The following MORC1 variants were observed in gnomAD, a reference collection of about 807,000 sequenced individuals.
The protein encoded by MORC1 is MORC family CW-type zinc finger protein 1.
Under a neutral mutation model 134.9 loss-of-function variants are expected in MORC1, and 59 were observed. The observed-to-expected ratio is 0.44, with a 90% confidence interval of 0.35 to 0.54. The LOEUF is 0.54. Among genes scored for constraint, MORC1 ranks in the 20% least tolerant of loss-of-function variants. The pLI, the probability that MORC1 is intolerant of heterozygous loss-of-function variation, is 0.00. For synonymous variants in MORC1, 395 were observed against 391.7 expected (o/e 1.01, Z -0.10); for missense variants, 947 against 1,134.5 (o/e 0.83, Z 2.37).
intron 17 of MORC1, among the ~76,000 whole-genome samples, chr3:109,014,292 A>G (rs1237364411): frequency 1.3e-5 from 2 of 152,024 alleles, no homozygotes; most frequent in African/African-American, 4.8e-5. Flanking sequence ...TAAATTGTAA[A>G]CTCCCAATTA....
chr3:109,054,037 A>T (rs1370686467), intron 14 of MORC1, among the ~76,000 whole-genome samples: 1 of 151,882 alleles, frequency 6.6e-6, no homozygotes, highest in African/African-American at 2.4e-5. Context: ...TAATCCCAGC[A>T]CTTTGGGAGG....
At chr3:109,080,622 G>A (rs1432901610) in intron 8 of MORC1, among the ~76,000 whole-genome samples, 2 of 152,106 alleles carry the variant, frequency 1.3e-5, no homozygotes, top group Non-Finnish European at 2.9e-5. Context: ...AAGTGTGCCA[G>A]TTCTCTCCCA....
chr3:108,999,065 C>T (rs1228312114), intron 21 of MORC1, among the ~76,000 whole-genome samples: 2 of 152,198 alleles, frequency 1.3e-5, no homozygotes, highest in Admixed American at 6.5e-5. Context: ...AATTATATTA[C>T]ATTTTGCTTT....
In MORC1 at chr3:109,007,015, T is replaced by C. The variant is rs2044589; in HGVS notation, c.1767+14A>G. 0.41 allele frequency: 644,472 copies of C among 1,589,334 alleles called. 136,093 individuals carry two copies. Among genetic ancestry groups the C allele is most frequent in the Middle Eastern group, 0.56 (3,343 of 5,998 alleles). On this transcript the variant is annotated intron_variant, in intron 18 of 27. Transcript: ENST00000232603. ...ACATGACACAAATTGCTTAATCCTA[T>C]ATTAATTACTCACCTTATGTGCTGA...
intron 17 of MORC1, among the ~76,000 whole-genome samples, chr3:109,023,120 A>C (rs1948997055): frequency 6.6e-6 from 1 of 152,240 alleles, no homozygotes; most frequent in Admixed American, 6.5e-5. Flanking sequence ...CTAAGTAGGT[A>C]AATCATACAG....
intron 8 of MORC1, among the ~76,000 whole-genome samples, chr3:109,071,636 A>T (rs1950319197): frequency 6.6e-6 from 1 of 152,166 alleles, no homozygotes; most frequent in South Asian, 2.1e-4. Flanking sequence ...CCTTCTCATG[A>T]AAGTTCACAT....
In MORC1 at chr3:108,971,403, C is replaced by A; in HGVS notation, c.2478-1G>T. On this transcript the variant is annotated splice_acceptor_variant, in intron 24 of 27. Coordinates refer to ENST00000232603, the MANE Select transcript of MORC1 (RefSeq NM_014429.4). LOFTEE classifies it high-confidence loss of function. ...AGGAAAAAAATACAGAAGAATCTCC[C>A]TAGGAATACAAGCACAGCAGATATG... The A allele has an allele frequency of 6.2e-7, 1 of 1,610,570 alleles. No individual in the cohort carries two copies. The highest frequency in any genetic ancestry group is 1.1e-5 in the South Asian group (1 of 90,890).
chr3:108,974,183 G>A (rs1440262957), intron 24 of MORC1, among the ~76,000 whole-genome samples: 1 of 152,098 alleles, frequency 6.6e-6, no homozygotes, highest in Non-Finnish European at 1.5e-5. Flanking sequence ...ATTCTGGTCT[G>A]TAAGACTGAC....
At chr3:109,020,416 G>C (rs1156934064) in intron 17 of MORC1, among the ~76,000 whole-genome samples, 1 of 152,106 alleles carries the variant, frequency 6.6e-6, no homozygotes, top group African/African-American at 2.4e-5. Flanking sequence ...GACTTGGTGG[G>C]GGAAGACTAA....
At chr3:109,062,883 C>T (rs1453911935) in intron 10 of MORC1, among the ~76,000 whole-genome samples, 1 of 152,076 alleles carries the variant, frequency 6.6e-6, no homozygotes, top group African/African-American at 2.4e-5. Context: ...AGCCACCATG[C>T]CCAGACAGAC....
chr3:108,974,089 T>A (rs1056967656), intron 24 of MORC1, among the ~76,000 whole-genome samples: 5 of 152,036 alleles, frequency 3.3e-5, no homozygotes, highest in Non-Finnish European at 7.4e-5. Context: ...TCCTTCAGTG[T>A]CTGTCTCCCT....
chr3:109,072,491 T>A (rs1294885241), intron 8 of MORC1, among the ~76,000 whole-genome samples: 2 of 152,152 alleles, frequency 1.3e-5, no homozygotes, highest in Non-Finnish European at 2.9e-5. Flanking sequence ...TGCATCTGCA[T>A]CCCCAACTGG....
At chr3:109,073,334 G>C (rs548171890) in intron 8 of MORC1, among the ~76,000 whole-genome samples, 4 of 152,342 alleles carry the variant, frequency 2.6e-5, no homozygotes, top group Admixed American at 1.3e-4. Context: ...CTTATCTGCT[G>C]ATTCAGATTC....
At chr3:109,100,550 T>G in intron 4 of MORC1, 43 bp from the exon 5 acceptor site, 3 of 1,472,146 alleles carry the variant, frequency 2.0e-6, no homozygotes, top group Non-Finnish European at 2.9e-6. Context: ...GAAGACTCTT[T>G]GACACTGGCC....
At chr3:108,992,710 C>T (rs914313022) in intron 21 of MORC1, among the ~76,000 whole-genome samples, 11 of 152,200 alleles carry the variant, frequency 7.2e-5, no homozygotes, top group African/African-American at 2.7e-4. Flanking sequence ...TCTTCATCTG[C>T]TAACTGCCTC....
chr3:109,098,291 A>T (rs547321262), intron 6 of MORC1, among the ~76,000 whole-genome samples: 130 of 152,188 alleles, frequency 8.5e-4, no homozygotes, highest in African/African-American at 2.9e-3. Flanking sequence ...AGTTTTTTTT[A>T]AAAAAGGGAA....
At chr3:108,983,835 A>T (rs1370819459) in intron 23 of MORC1, among the ~76,000 whole-genome samples, 1 of 152,190 alleles carries the variant, frequency 6.6e-6, no homozygotes, top group East Asian at 1.9e-4. Flanking sequence ...AGGGCATTCA[A>T]GTAAAGGAAG....
At chr3:108,969,863 A>C (rs1576578173) in intron 25 of MORC1, 141 bp from the exon 26 acceptor site, 1 of 657,918 alleles carries the variant, frequency 1.5e-6, no homozygotes, top group African/African-American at 1.8e-5. Context: ...GGGCCTTTTA[A>C]GTCTGGGTCT....
chr3:108,989,774 C>T (rs1947995867), intron 21 of MORC1, among the ~76,000 whole-genome samples: 1 of 152,116 alleles, frequency 6.6e-6, no homozygotes, highest in Admixed American at 6.6e-5. Flanking sequence ...ACATTATGTT[C>T]CAGGCCCTCC....
Sources: allele counts gnomAD v4.1 joint callset (sites outside exome capture counted in the v4.1 genomes callset), GRCh38; gene constraint gnomAD v4.1.1; transcripts MANE v1.5; gene names NCBI Gene and HGNC (gene_info 2026-07-23, HGNC 2026-07-21).